KCNIP4: variants seen among roughly 807,000 people sequenced by gnomAD.
The protein encoded by KCNIP4 is potassium voltage-gated channel interacting protein 4, also known as Kv channel-interacting protein 4.
Under a neutral mutation model 34.0 loss-of-function variants are expected in KCNIP4, and 12 were observed. The ratio of observed to expected loss-of-function variants is 0.35; its 90% CI spans 0.23 to 0.57. The LOEUF (loss-of-function observed/expected upper bound fraction) is 0.57. Ranked by LOEUF, KCNIP4 falls within the 20% of genes least tolerant of loss-of-function variation. The pLI is 0.83. For missense variants in KCNIP4, 238 were observed against 311.7 expected, an observed-to-expected ratio of 0.76 and a Z score of 1.78; for synonymous variants, 124 against 102.2, an observed-to-expected ratio of 1.21 and a Z score of -1.29.
intron 1 of KCNIP4, among the ~76,000 whole-genome samples, chr4:21,790,565 T>G (rs1318241771): frequency 6.6e-6 from 1 of 151,948 alleles, no homozygotes; most frequent in Non-Finnish European, 1.5e-5. Flanking sequence ...AAGTTTTGTA[T>G]TATATTTCTA....
chr4:21,605,765 C>T (rs1008297492), intron 1 of KCNIP4, among the ~76,000 whole-genome samples: 1 of 152,082 alleles, frequency 6.6e-6, no homozygotes, highest in African/African-American at 2.4e-5. Context: ...CAGGCGTGAT[C>T]CACTGTGCCT....
At chr4:21,622,273 T>C (rs2109179754) in intron 1 of KCNIP4, among the ~76,000 whole-genome samples, 1 of 152,274 alleles carries the variant, frequency 6.6e-6, no homozygotes, top group African/African-American at 2.4e-5. Flanking sequence ...TTATTTGATC[T>C]CTGGGACAAG....
chr4:21,703,415 C>T (rs1374821536), intron 1 of KCNIP4, among the ~76,000 whole-genome samples: 1 of 152,006 alleles, frequency 6.6e-6, no homozygotes, highest in African/African-American at 2.4e-5. Flanking sequence ...GGTGCATGTG[C>T]ACATGGATGA....
Position 21,614,144 on chromosome 4 carries a change from C to CA in KCNIP4, c.61+334426dup, listed in dbSNP as rs11310974. Among the ~76,000 whole-genome samples, 1,172 of 137,250 alleles carry CA rather than the reference C, an allele frequency of 8.5e-3. 12 individuals are homozygous for CA. Among genetic ancestry groups the CA allele is most frequent in the African/African-American group, 0.024 (888 of 36,792 alleles). The allele number at this position is 137,250 out of a possible 152,430, so 90.0% of individuals were successfully genotyped here. On this transcript the variant is annotated intron_variant, in intron 1 of 8. Transcript: ENST00000382152. ...TGGGTGAGAAAGCGAGACTCTATCT[C>CA]AAAAAAAAAAAAAAAATTCTTCTGG... is the stretch of plus-strand genomic sequence containing the variant.
At chr4:21,519,182 T>C (rs995458667) in intron 1 of KCNIP4, among the ~76,000 whole-genome samples, 2 of 152,006 alleles carry the variant, frequency 1.3e-5, no homozygotes, top group African/African-American at 4.8e-5. Context: ...GGTGAAGCTC[T>C]CGTGAATGCG....
Position 21,357,436 on chromosome 4 carries a change from C to A in KCNIP4, c.62-474727G>T, listed in dbSNP as rs139721395. Among the ~76,000 whole-genome samples the A allele has an allele frequency of 2.5e-3, 385 of 152,198 alleles. 1 individual carries two copies. Among genetic ancestry groups the A allele is most frequent in the African/African-American group, 8.9e-3 (371 of 41,522 alleles). ...TACCCATCTGACAAATGGCTAATAT[C>A]CAGAATTTACAAAGAGAACTTAAAC... On this transcript the variant is annotated intron_variant, in intron 1 of 8. Transcript: ENST00000382152.
At chr4:21,461,159 G>C (rs904863158) in intron 1 of KCNIP4, among the ~76,000 whole-genome samples, 1 of 151,896 alleles carries the variant, frequency 6.6e-6, no homozygotes, top group Non-Finnish European at 1.5e-5. Context: ...CCCTAGTGCT[G>C]TGTCCTGAGT....
At chr4:21,830,194 A>G (rs1578042721) in intron 1 of KCNIP4, among the ~76,000 whole-genome samples, 1 of 152,156 alleles carries the variant, frequency 6.6e-6, no homozygotes, top group East Asian at 1.9e-4. Context: ...AGGGAGCTAA[A>G]TCTATACCAA....
At chr4:20,862,683 A>G (rs1722330871) in intron 2 of KCNIP4, among the ~76,000 whole-genome samples, 1 of 152,158 alleles carries the variant, frequency 6.6e-6, no homozygotes, top group Non-Finnish European at 1.5e-5. Flanking sequence ...GTTCATTACA[A>G]CACTATTCAC....
chr4:20,835,558 G>A (rs1460183659), intron 3 of KCNIP4, among the ~76,000 whole-genome samples: 1 of 152,104 alleles, frequency 6.6e-6, no homozygotes, highest in African/African-American at 2.4e-5. Flanking sequence ...TGCATTCAAT[G>A]CATGTTATTT....
intron 1 of KCNIP4, among the ~76,000 whole-genome samples, chr4:20,999,311 G>A (rs529704726): frequency 3.3e-4 from 50 of 151,676 alleles, no homozygotes; most frequent in Non-Finnish European, 6.9e-4. Context: ...GAATTAGACA[G>A]GAATAAATCA....
chr4:20,916,985 TTATATA>T (rs1157104290), intron 1 of KCNIP4, among the ~76,000 whole-genome samples: 10 of 41,358 alleles, frequency 2.4e-4, no homozygotes, highest in South Asian at 1.4e-3. Flanking sequence ...CATCTTATGT[TTATATA>T]TATATATATA....
At chr4:21,597,869 G>A (rs543161992) in intron 1 of KCNIP4, among the ~76,000 whole-genome samples, 17 of 152,052 alleles carry the variant, frequency 1.1e-4, no homozygotes, top group Non-Finnish European at 2.2e-4. Flanking sequence ...AATATAAAAA[G>A]AAAAAGAGGA....
At chr4:21,611,743 C>T (rs1450912518) in intron 1 of KCNIP4, among the ~76,000 whole-genome samples, 1 of 104,568 alleles carries the variant, frequency 9.6e-6, no homozygotes, top group Non-Finnish European at 1.9e-5. Flanking sequence ...TACAGATGTA[C>T]CATACATTTT....
At chr4:21,840,242 A>G (rs1003191716) in intron 1 of KCNIP4, among the ~76,000 whole-genome samples, 1 of 151,680 alleles carries the variant, frequency 6.6e-6, no homozygotes, top group Non-Finnish European at 1.5e-5. Flanking sequence ...CAGCCCCAGC[A>G]AGAAGAATGT....
chr4:21,875,417 G>A lies in KCNIP4; in HGVS notation c.61+73154C>T, dbSNP rs369468136. On this transcript the variant is annotated intron_variant, in intron 1 of 8. Transcript: ENST00000382152. Reference sequence around the variant, plus strand: ...AGAAATAAGTATTTCTGTGGTTCATGTTTTTCACCTATTTACTCATAAAAT... The same window carrying A: ...AGAAATAAGTATTTCTGTGGTTCATATTTTTCACCTATTTACTCATAAAAT... Among the ~76,000 whole-genome samples, 40 of 152,236 alleles carry A rather than the reference G, an allele frequency of 2.6e-4. No individual in the cohort carries two copies. The East Asian group carries it at 5.2e-3, about 20-fold the overall frequency.
At chr4:21,811,619 C>A (rs1721658606) in intron 1 of KCNIP4, among the ~76,000 whole-genome samples, 1 of 152,114 alleles carries the variant, frequency 6.6e-6, no homozygotes, top group Non-Finnish European at 1.5e-5. Context: ...GAGTAAATAA[C>A]TGGAGAAAGA....
At chr4:20,844,184 C>G (rs1183270791) in intron 3 of KCNIP4, among the ~76,000 whole-genome samples, 1 of 152,158 alleles carries the variant, frequency 6.6e-6, no homozygotes, top group Non-Finnish European at 1.5e-5. Context: ...GAACCCTGGA[C>G]AGCGCTTGCA....
chr4:21,133,614 C>T (rs1306738612), intron 1 of KCNIP4, among the ~76,000 whole-genome samples: 1 of 151,950 alleles, frequency 6.6e-6, no homozygotes, highest in African/African-American at 2.4e-5. Context: ...ATCTATACTG[C>T]TCACTTAGTA....
Sources: allele counts gnomAD v4.1 joint callset (sites outside exome capture counted in the v4.1 genomes callset), GRCh38; gene constraint gnomAD v4.1.1; transcripts MANE v1.5; gene names NCBI Gene and HGNC (gene_info 2026-07-23, HGNC 2026-07-21).